UNC5D: variants seen among roughly 807,000 people sequenced by gnomAD.
UNC5D encodes netrin receptor UNC5D.
A neutral mutation model predicts 105.4 loss-of-function variants in UNC5D; 39 were observed. The observed-to-expected ratio is 0.37, with a 90% CI of 0.29 to 0.48. The LOEUF is 0.48. UNC5D is among the 20% of genes least tolerant of loss of function. The pLI, the probability that UNC5D is intolerant of heterozygous loss-of-function variation, is 0.98. For synonymous variants in UNC5D, 452 were observed against 450.4 expected (o/e 1.00, Z -0.04); for missense variants, 991 against 1,202.4 (o/e 0.82, Z 2.60).
intron 1 of UNC5D, among the ~76,000 whole-genome samples, chr8:35,341,135 A>C (rs905685694): frequency 7.2e-5 from 11 of 152,156 alleles, no homozygotes; most frequent in African/African-American, 2.4e-4. Flanking sequence ...TTTTGGTGAG[A>C]TATAATACTC....
At chr8:35,455,521 C>T (rs534694317) in intron 1 of UNC5D, among the ~76,000 whole-genome samples, 10 of 151,964 alleles carry the variant, frequency 6.6e-5, no homozygotes, top group South Asian at 4.2e-4. Flanking sequence ...TCAGGTGATC[C>T]GTCCACCTCC....
At chr8:35,603,077 C>G (rs1423876781) in intron 4 of UNC5D, among the ~76,000 whole-genome samples, 2 of 151,880 alleles carry the variant, frequency 1.3e-5, no homozygotes, top group African/African-American at 4.8e-5. Context: ...TTATTTCTTG[C>G]CTTCTGTTAG....
At chr8:35,642,988 G>A (rs556212952) in intron 4 of UNC5D, among the ~76,000 whole-genome samples, 4 of 152,104 alleles carry the variant, frequency 2.6e-5, no homozygotes, top group Non-Finnish European at 5.9e-5. Context: ...AAACATGCTA[G>A]GAAGACATCC....
chr8:35,264,244 C>G (rs189998224), intron 1 of UNC5D, among the ~76,000 whole-genome samples: 1 of 152,160 alleles, frequency 6.6e-6, no homozygotes, highest in East Asian at 1.9e-4. Context: ...AGATGTTCTA[C>G]GTGCAAATGA....
At position 35,686,344 on chromosome 8, in the gene UNC5D, A is replaced by G. The variant is rs187391560; in HGVS notation, c.920-201A>G. Reference sequence around the variant, plus strand: ...TAATTGGTCTCATCCTGAAATAGCAAGAGTATTATACCACTGCTTTTGTAA... The same window carrying G: ...TAATTGGTCTCATCCTGAAATAGCAGGAGTATTATACCACTGCTTTTGTAA... On this transcript the variant is annotated intron_variant, in intron 6 of 16. Coordinates refer to ENST00000404895, the MANE Select transcript of UNC5D (RefSeq NM_080872.4). 8.2e-4 allele frequency among the ~76,000 whole-genome samples: 125 copies of G among 152,320 alleles called. 2 individuals are homozygous for G. Among genetic ancestry groups the G allele is most frequent in the Non-Finnish European group, 1.5e-3 (99 of 68,032 alleles).
In UNC5D at chr8:35,793,097, C is replaced by T. The variant is rs74494302; in HGVS notation, c.*2534C>T. On this transcript the variant is annotated 3_prime_UTR_variant, in exon 17 of 17. Transcript: ENST00000404895. ...GATTCAATCAAATTCATCCTTCAGC[C>T]TGTCTTGTTTCTTCTTTATGTTTCT... 5.5e-3 allele frequency: 2,491 copies of T among 453,220 alleles called. 56 individuals carry two copies. Among genetic ancestry groups the T allele is most frequent in the African/African-American group, 0.046 (2,306 of 49,982 alleles). 28.1% of individuals were successfully genotyped at this position (453,220 alleles called of 1,614,324 possible). A position where few individuals can be genotyped will look rare whatever the true frequency, so the allele number is the denominator to read the frequency against.
chr8:35,278,403 G>T (rs1805920980), intron 1 of UNC5D, among the ~76,000 whole-genome samples: 1 of 151,834 alleles, frequency 6.6e-6, no homozygotes, highest in Non-Finnish European at 1.5e-5. Flanking sequence ...TTTATATCTA[G>T]CAAAAAAATC....
intron 1 of UNC5D, among the ~76,000 whole-genome samples, chr8:35,248,726 A>G (rs1385794334): frequency 9.9e-6 from 1 of 100,858 alleles, no homozygotes; most frequent in Non-Finnish European, 1.7e-5. Flanking sequence ...AAAATATATA[A>G]AAATATATAA....
chr8:35,462,926 G>T (rs1005811196), intron 1 of UNC5D, among the ~76,000 whole-genome samples: 1 of 152,082 alleles, frequency 6.6e-6, no homozygotes, highest in African/African-American at 2.4e-5. Context: ...TAACCATCTC[G>T]GGCACATAGC....
At chr8:35,263,840 T>C (rs1804652116) in intron 1 of UNC5D, among the ~76,000 whole-genome samples, 1 of 152,242 alleles carries the variant, frequency 6.6e-6, no homozygotes, top group Non-Finnish European at 1.5e-5. Flanking sequence ...AGCAAACTTC[T>C]AGCCTCTCAC....
chr8:35,775,188 T>C (rs1802190723), intron 16 of UNC5D, among the ~76,000 whole-genome samples: 1 of 152,142 alleles, frequency 6.6e-6, no homozygotes, highest in African/African-American at 2.4e-5. Context: ...TAACCCTTAA[T>C]GAGGACATGC....
At chr8:35,524,777 G>A (rs1813738998) in intron 1 of UNC5D, among the ~76,000 whole-genome samples, 1 of 150,850 alleles carries the variant, frequency 6.6e-6, no homozygotes, top group South Asian at 2.1e-4. Flanking sequence ...AAGAAAAGAT[G>A]TAAAAGTTTC....
At chr8:35,549,159 A>G (rs1016149237) in intron 1 of UNC5D, 133 bp from the exon 2 acceptor site, 6 of 843,464 alleles carry the variant, frequency 7.1e-6, no homozygotes, top group Non-Finnish European at 1.8e-6. Flanking sequence ...CACCAGTTCT[A>G]CAAGCATGCT....
chr8:35,417,222 C>T (rs1327414048), intron 1 of UNC5D, among the ~76,000 whole-genome samples: 1 of 148,122 alleles, frequency 6.8e-6, no homozygotes, highest in East Asian at 2.1e-4. Context: ...CTACCTCTCT[C>T]CCACCCCATC....
intron 16 of UNC5D, among the ~76,000 whole-genome samples, chr8:35,778,431 CTCTCTTA>C (rs1802354787): frequency 6.6e-6 from 1 of 152,184 alleles, no homozygotes; most frequent in African/African-American, 2.4e-5. Flanking sequence ...ATTGTCTTTT[CTCTCTTA>C]TGAGTCCAAA....
In UNC5D at chr8:35,576,083, G is replaced by A. The variant is rs115883440; in HGVS notation, c.466+7842G>A. On this transcript the variant is annotated intron_variant, in intron 3 of 16. Transcript: ENST00000404895. Reference sequence around the variant, plus strand: ...CACAAAGGTACCACATAGACTTTTTGCAGCAGTCCTGTGTACATAATTTGC... The same window carrying A: ...CACAAAGGTACCACATAGACTTTTTACAGCAGTCCTGTGTACATAATTTGC... 6.2e-3 allele frequency among the ~76,000 whole-genome samples: 949 copies of A among 152,114 alleles called. 4 individuals carry two copies. The highest frequency in any genetic ancestry group is 0.022 in the African/African-American group (912 of 41,540).
At chr8:35,455,934 C>T (rs959669074) in intron 1 of UNC5D, among the ~76,000 whole-genome samples, 1 of 152,078 alleles carries the variant, frequency 6.6e-6, no homozygotes, top group Non-Finnish European at 1.5e-5. Context: ...AGCTATAATT[C>T]AAGATGAGAT....
At chr8:35,365,555 G>A (rs1802064869) in intron 1 of UNC5D, among the ~76,000 whole-genome samples, 1 of 134,612 alleles carries the variant, frequency 7.4e-6, no homozygotes, top group Non-Finnish European at 1.5e-5. Context: ...TCTTTCACTG[G>A]AGGATTATCT....
intron 16 of UNC5D, among the ~76,000 whole-genome samples, chr8:35,789,137 CTA>C (rs58201859): frequency 0.058 from 1,860 of 31,894 alleles, 96 homozygotes; most frequent in African/African-American, 0.1. Flanking sequence ...GGAGAAAAGA[CTA>C]TATATATATA....
Sources: gnomAD v4.1 joint callset for allele counts (sites outside exome capture counted in the v4.1 genomes callset) on GRCh38, gnomAD v4.1.1 for gene constraint, MANE v1.5 for transcripts, NCBI Gene and HGNC (gene_info 2026-07-23, HGNC 2026-07-21) for gene names.